AGBL4: variants seen among roughly 807,000 people sequenced by gnomAD.
AGBL4 encodes AGBL carboxypeptidase 4, also known as cytosolic carboxypeptidase 6.
In AGBL4, 58 loss-of-function variants were observed where a neutral mutation model predicts 66.4. The ratio of observed to expected loss-of-function variants is 0.87; its 90% confidence interval spans 0.71 to 1.09. The LOEUF (loss-of-function observed/expected upper bound fraction) is 1.09, where lower values mean the gene tolerates loss of function less well. Ranked by LOEUF, AGBL4 falls within the 50% of genes least tolerant of loss-of-function variation. AGBL4 has a pLI of 0.00. For synonymous variants in AGBL4, 234 were observed against 222.9 expected (o/e 1.05, Z -0.44); for missense variants, 579 against 631.0 (o/e 0.92, Z 0.88).
chr1:49,039,980 G>A (rs1201179900), intron 5 of AGBL4, among the ~76,000 whole-genome samples: 2 of 151,990 alleles, frequency 1.3e-5, no homozygotes. Context: ...TTAAAAATTT[G>A]ATAAATTGGA....
intron 9 of AGBL4, among the ~76,000 whole-genome samples, chr1:48,613,637 T>G (rs948081984): frequency 2.0e-5 from 3 of 152,122 alleles, no homozygotes; most frequent in African/African-American, 7.2e-5. Context: ...TTAAATGAGA[T>G]TGTGTTCCTG....
intron 1 of AGBL4, among the ~76,000 whole-genome samples, chr1:49,874,900 G>A (rs1246332492): frequency 1.9e-4 from 28 of 144,714 alleles, no homozygotes; most frequent in East Asian, 1.5e-3. Flanking sequence ...ATGTATACAT[G>A]TGACATGCTG....
intron 3 of AGBL4, among the ~76,000 whole-genome samples, chr1:49,301,421 C>A (rs1054648820): frequency 1.3e-5 from 2 of 152,128 alleles, no homozygotes; most frequent in Admixed American, 6.5e-5. Flanking sequence ...AGAATTTAGT[C>A]TATAGTTTAA....
At chr1:49,360,449 A>T (rs536996229) in intron 3 of AGBL4, among the ~76,000 whole-genome samples, 1 of 152,240 alleles carries the variant, frequency 6.6e-6, no homozygotes, top group African/African-American at 2.4e-5. Context: ...TAGTCATTAT[A>T]ATTTTTAGTA....
intron 1 of AGBL4, among the ~76,000 whole-genome samples, chr1:49,856,803 C>T (rs1646444495): frequency 1.3e-5 from 2 of 151,982 alleles, no homozygotes; most frequent in Non-Finnish European, 2.9e-5. Flanking sequence ...AAAGTATTTC[C>T]TCTAAGAACA....
chr1:49,732,468 G>C (rs1233216993), intron 2 of AGBL4, among the ~76,000 whole-genome samples: 6 of 152,124 alleles, frequency 3.9e-5, no homozygotes, highest in Non-Finnish European at 7.3e-5. Flanking sequence ...GAGTGTCTCA[G>C]ACCTGTATTT....
chr1:49,029,489 C>A (rs1341779907), intron 5 of AGBL4, among the ~76,000 whole-genome samples: 1 of 152,028 alleles, frequency 6.6e-6, no homozygotes, highest in Non-Finnish European at 1.5e-5. Flanking sequence ...TAAGTACAAA[C>A]CTTGCTTATA....
At chr1:48,971,340 A>G (rs1571131091) in intron 5 of AGBL4, among the ~76,000 whole-genome samples, 1 of 152,108 alleles carries the variant, frequency 6.6e-6, no homozygotes, top group African/African-American at 2.4e-5. Flanking sequence ...GATCTGAGGT[A>G]GAGCAGTTTT....
At position 48,982,443 on chromosome 1, in the gene AGBL4, G is replaced by A. The variant is rs917715378; in HGVS notation, c.594+63141C>T. ...TCCCACCTATGAGTGAGAACATGAG[G>A]TGTTTGGTTTTTTTGTCCTTGTGAT... On this transcript the variant is annotated intron_variant, in intron 5 of 13. Coordinates refer to ENST00000371839, the MANE Select transcript of AGBL4 (RefSeq NM_032785.4). 5.9e-5 allele frequency among the ~76,000 whole-genome samples: 9 copies of A among 152,216 alleles called. No individual in the cohort carries two copies. In the East Asian group the frequency reaches 1.4e-3, roughly 23 times the overall value.
intron 6 of AGBL4, among the ~76,000 whole-genome samples, chr1:48,852,442 C>A (rs1314857716): frequency 6.6e-6 from 1 of 152,132 alleles, no homozygotes; most frequent in Non-Finnish European, 1.5e-5. Context: ...CCCATGGGTC[C>A]TAATCTCTAG....
At chr1:49,986,526 T>C (rs1659517734) in intron 1 of AGBL4, among the ~76,000 whole-genome samples, 1 of 152,210 alleles carries the variant, frequency 6.6e-6, no homozygotes, top group East Asian at 1.9e-4. Flanking sequence ...GAAGTACATA[T>C]ACCTAGCAGT....
intron 6 of AGBL4, among the ~76,000 whole-genome samples, chr1:48,795,264 C>T (rs976545488): frequency 1.5e-4 from 23 of 152,164 alleles, no homozygotes; most frequent in Admixed American, 7.2e-4. Context: ...GATAAAGTCC[C>T]ACCTGATTTT....
intron 3 of AGBL4, among the ~76,000 whole-genome samples, chr1:49,481,578 T>C (rs376100557): frequency 1.3e-5 from 2 of 152,154 alleles, no homozygotes; most frequent in African/African-American, 4.8e-5. Context: ...CAAACAAAAA[T>C]AGTTTGACTT....
chr1:48,744,514 T>C (rs948385007), intron 6 of AGBL4, among the ~76,000 whole-genome samples: 18 of 152,086 alleles, frequency 1.2e-4, no homozygotes, highest in African/African-American at 4.3e-4. Context: ...AAAAAAATAA[T>C]AGGCTGAAAA....
At chr1:48,770,222 CCATT>C (rs1644745023) in intron 6 of AGBL4, among the ~76,000 whole-genome samples, 1 of 152,168 alleles carries the variant, frequency 6.6e-6, no homozygotes, top group Non-Finnish European at 1.5e-5. Context: ...AAATATCATC[CCATT>C]CAAATCTTTT....
At chr1:49,927,446 T>G (rs1000852367) in intron 1 of AGBL4, among the ~76,000 whole-genome samples, 3 of 150,170 alleles carry the variant, frequency 2.0e-5, no homozygotes, top group African/African-American at 2.5e-5. Context: ...CAAGATGGAG[T>G]GAGTACAAGC....
chr1:49,899,665 A>C (rs895194180), intron 1 of AGBL4, among the ~76,000 whole-genome samples: 1 of 152,206 alleles, frequency 6.6e-6, no homozygotes, highest in Non-Finnish European at 1.5e-5. Flanking sequence ...CAGCTAACCA[A>C]TTAAATCAGA....
chr1:49,350,659 T>G (rs1034567186), intron 3 of AGBL4, among the ~76,000 whole-genome samples: 1 of 152,198 alleles, frequency 6.6e-6, no homozygotes. Context: ...TTTGGTTACA[T>G]GAATGTTCTT....
intron 11 of AGBL4, among the ~76,000 whole-genome samples, chr1:48,551,918 C>A (rs1308777526): frequency 6.6e-6 from 1 of 152,076 alleles, no homozygotes; most frequent in Non-Finnish European, 1.5e-5. Context: ...AAGTTAGAGG[C>A]TGGTGGGCTA....
Sources: allele counts gnomAD v4.1 joint callset (sites outside exome capture counted in the v4.1 genomes callset), GRCh38; gene constraint gnomAD v4.1.1; transcripts MANE v1.5; gene names NCBI Gene and HGNC (gene_info 2026-07-23, HGNC 2026-07-21).